HNRNPL: variants seen among roughly 807,000 people sequenced by gnomAD.
The protein encoded by HNRNPL is epididymis secretory sperm binding protein.
In HNRNPL, 12 loss-of-function variants were observed where a neutral mutation model predicts 64.0. The ratio of observed to expected loss-of-function variants is 0.19; its 90% CI spans 0.12 to 0.30. HNRNPL has a LOEUF of 0.30. HNRNPL is among the 10% of genes least tolerant of loss of function. HNRNPL has a pLI of 1.00. For missense variants in HNRNPL, 484 were observed against 797.4 expected, an observed-to-expected ratio of 0.61 and a Z score of 4.73; for synonymous variants, 385 against 313.0, an observed-to-expected ratio of 1.23 and a Z score of -2.43.
chr19:38,847,651 G>A (rs1194748064), intron 1 of HNRNPL: 4 of 329,630 alleles, frequency 1.2e-5, no homozygotes, highest in African/African-American at 4.3e-5. Context: ...CTTGCCCACT[G>A]GCTCTTGCTG....
upstream of HNRNPL, among the ~76,000 whole-genome samples, chr19:38,851,737 G>A (rs139391893): frequency 5.9e-3 from 896 of 152,282 alleles, 6 homozygotes; most frequent in African/African-American, 0.018. Flanking sequence ...GCACTCCAGC[G>A]TGGGCGACGG....
chr19:38,849,495 C>T, intron 1 of HNRNPL: 1 of 652,166 alleles, frequency 1.5e-6, no homozygotes. Context: ...TCCCCCACAC[C>T]CCGCTCCGGA....
chr19:38,848,783 ATC>A (rs767675688), intron 1 of HNRNPL, among the ~76,000 whole-genome samples: 1 of 152,196 alleles, frequency 6.6e-6, no homozygotes, highest in Non-Finnish European at 1.5e-5. Flanking sequence ...GAATCCCAGT[ATC>A]TCCCCCAACC....
At chr19:38,848,675 A>G (rs1296860478) in intron 1 of HNRNPL, among the ~76,000 whole-genome samples, 1 of 152,190 alleles carries the variant, frequency 6.6e-6, no homozygotes, top group African/African-American at 2.4e-5. Flanking sequence ...CACAAATGGG[A>G]GTTCTAACTC....
intron 10 of HNRNPL, among the ~76,000 whole-genome samples, 177 bp from the exon 11 acceptor site, chr19:38,837,828 TTTAA>T (rs1439425634): frequency 6.6e-6 from 1 of 152,236 alleles, no homozygotes; most frequent in East Asian, 1.9e-4. Context: ...AACAATGCTC[TTTAA>T]TTATTAAGTT....
chr19:38,841,124 C>A (rs1034984513), intron 6 of HNRNPL: 3 of 208,510 alleles, frequency 1.4e-5, no homozygotes, highest in Non-Finnish European at 2.9e-5. Context: ...ACAAGCAGGG[C>A]AACAGCAGAA....
At chr19:38,843,542 C>T (rs998266424) in intron 6 of HNRNPL, 25 of 409,178 alleles carry the variant, frequency 6.1e-5, no homozygotes, top group South Asian at 3.2e-4. Context: ...GGAGCCACTG[C>T]TGGTTTCTAA....
intron 8 of HNRNPL, chr19:38,839,688 C>G (rs1249692057): frequency 5.1e-6 from 1 of 197,726 alleles, no homozygotes; most frequent in African/African-American, 2.4e-5. Flanking sequence ...GCCGCCTGGT[C>G]TCAGGTAGAC....
At chr19:38,847,772 G>GA (rs760461230) in intron 1 of HNRNPL, 6 of 173,020 alleles carry the variant, frequency 3.5e-5, no homozygotes, top group Non-Finnish European at 4.9e-5. Context: ...GGAAACATGG[G>GA]AAAAGAGTAG....
chr19:38,844,186 G>T, intron 4 of HNRNPL, 82 bp from the exon 5 acceptor site: 3 of 896,162 alleles, frequency 3.3e-6, no homozygotes, highest in Non-Finnish European at 5.6e-6. Context: ...TAAGGACAAG[G>T]TAGCACCCCA....
At chr19:38,848,071 AG>A (rs1020538761) in intron 1 of HNRNPL, among the ~76,000 whole-genome samples, 3 of 151,996 alleles carry the variant, frequency 2.0e-5, no homozygotes, top group African/African-American at 7.3e-5. Flanking sequence ...GGTCAGACTA[AG>A]AAAAACCAGA....
chr19:38,840,401 G>T, intron 7 of HNRNPL, 25 bp from the exon 8 acceptor site: 1 of 1,567,546 alleles, frequency 6.4e-7, no homozygotes. Context: ...GGAAAGAGAG[G>T]GAGGACGGGT....
At chr19:38,838,356 T>C (rs1971997663) in intron 10 of HNRNPL, 41 bp downstream of exon 10, 1 of 1,548,440 alleles carries the variant, frequency 6.5e-7, no homozygotes, top group South Asian at 1.1e-5. Context: ...CAGACGGCCG[T>C]GGCAAGGACC....
Position 38,848,353 on chromosome 19 carries a change from A to T in HNRNPL, c.268-919T>A, listed in dbSNP as rs1278610629. The stretch of plus-strand genomic sequence containing the variant: ...GGTAATCTGCCTGCCTCAGCCTCCC[A>T]AAGTGCTGGGATTATAGGCATGAGC... On this transcript the variant is annotated intron_variant, in intron 1 of 12. Coordinates refer to ENST00000221419, the MANE Select transcript of HNRNPL (RefSeq NM_001533.3). Among the ~76,000 whole-genome samples the T allele has an allele frequency of 3.3e-5, 5 of 152,260 alleles. No individual in the cohort carries two copies. In the South Asian group the frequency reaches 1.0e-3, roughly 32 times the overall value.
chr19:38,838,867 G>C, intron 9 of HNRNPL, 27 bp downstream of exon 9: 1 of 1,613,614 alleles, frequency 6.2e-7, no homozygotes, highest in South Asian at 1.1e-5. Flanking sequence ...CTGTACCTCT[G>C]CTGCCCTCCC....
intron 6 of HNRNPL, chr19:38,841,579 T>A (rs1226583710): frequency 1.0e-6 from 1 of 976,892 alleles, no homozygotes. Flanking sequence ...CAATGTCCAT[T>A]TGTCACAAAA....
rs537673318 is a variant in HNRNPL, at chr19:38,837,041, TG to T, written c.1712-262del. The T allele has an allele frequency of 3.9e-5, 21 of 536,906 alleles. No individual in the cohort carries two copies. In the East Asian group the frequency reaches 6.4e-4, roughly 16 times the overall value. The allele number at this position is 536,906 out of a possible 1,614,324, so 33.3% of individuals were successfully genotyped here. ...CAATGGGCCTCTCCCAGCAACTGGG[TG>T]GGCAAGTTTTACCTGCTGGATAGTG... On this transcript the variant is annotated intron_variant, in intron 12 of 12. Transcript: ENST00000221419.
chr19:38,840,057 G>C (rs368252669), intron 8 of HNRNPL, 39 bp downstream of exon 8: 4 of 1,605,444 alleles, frequency 2.5e-6, no homozygotes, highest in Non-Finnish European at 3.4e-6. Context: ...CAAGATACGA[G>C]GCTCAGCGAG....
rs147151117 is a variant in HNRNPL at position 38,839,873 on chromosome 19, G to A, written c.1233+223C>T. 1.8e-4 allele frequency among the ~76,000 whole-genome samples: 28 copies of A among 152,244 alleles called. No individual in the cohort carries two copies. In the East Asian group the frequency reaches 5.2e-3, roughly 28 times the overall value. ...TGTACTGGTATTAGTACTTTTATGT[G>A]ATAAAATCTTTTTTTTAAACATTGG... On this transcript the variant is annotated intron_variant, in intron 8 of 12. Transcript: ENST00000221419.
Sources: allele counts gnomAD v4.1 joint callset (sites outside exome capture counted in the v4.1 genomes callset), GRCh38; gene constraint gnomAD v4.1.1; transcripts MANE v1.5; gene names NCBI Gene and HGNC (gene_info 2026-07-23, HGNC 2026-07-21).